DENND2B: variants seen among roughly 807,000 people sequenced by gnomAD.
DENND2B encodes DENN domain-containing protein 2B.
A neutral mutation model predicts 116.0 loss-of-function variants in DENND2B; 32 were observed. That is an observed-to-expected ratio of 0.28 (90% CI 0.21 to 0.37). The LOEUF is 0.37. Among genes scored for constraint, DENND2B ranks in the 10% least tolerant of loss-of-function variants. The probability of loss-of-function intolerance (pLI) is 1.00; values close to 1 mark genes in which losing one functional copy is unlikely to be tolerated. For synonymous variants in DENND2B, 588 were observed against 583.9 expected (o/e 1.01, Z -0.10); for missense variants, 1,276 against 1,477.7 (o/e 0.86, Z 2.24).
chr11:8,870,502 CGTGTGTATGT>C (rs1322760453), intron 2 of DENND2B, among the ~76,000 whole-genome samples: 1 of 140,626 alleles, frequency 7.1e-6, no homozygotes, highest in Non-Finnish European at 1.6e-5. Context: ...GTGTGTTGTG[CGTGTGTATGT>C]GTGTGTGTGT....
intron 1 of DENND2B, among the ~76,000 whole-genome samples, chr11:8,791,851 A>T (rs1472072662): frequency 6.6e-6 from 1 of 152,218 alleles, no homozygotes; most frequent in East Asian, 1.9e-4. Flanking sequence ...AAGTTCACAA[A>T]TTTTTAGTAA....
chr11:8,701,436 C>T (rs2041651482), intron 14 of DENND2B, among the ~76,000 whole-genome samples: 1 of 151,048 alleles, frequency 6.6e-6, no homozygotes, highest in East Asian at 2.0e-4. Context: ...CTCCTCCAGC[C>T]TTCTTATCAA....
intron 2 of DENND2B, among the ~76,000 whole-genome samples, chr11:8,731,533 A>C (rs1456680497): frequency 6.6e-6 from 1 of 152,160 alleles, no homozygotes; most frequent in Non-Finnish European, 1.5e-5. Flanking sequence ...CAGAAAGCCC[A>C]GTGGTGTGCT....
intron 2 of DENND2B, among the ~76,000 whole-genome samples, chr11:8,867,714 T>C (rs1043560125): frequency 2.0e-5 from 3 of 151,640 alleles, no homozygotes; most frequent in South Asian, 2.1e-4. Context: ...TCCTGAATAG[T>C]TGGGACCACA....
At chr11:8,768,866 C>G (rs2056365575) in intron 1 of DENND2B, 1 of 152,242 alleles carries the variant, frequency 6.6e-6, no homozygotes, top group Admixed American at 6.5e-5. Flanking sequence ...TATTTGTAGC[C>G]TACAATTAGG....
chr11:8,880,333 T>C (rs1204538302), intron 2 of DENND2B, among the ~76,000 whole-genome samples: 2 of 135,624 alleles, frequency 1.5e-5, no homozygotes, highest in African/African-American at 5.4e-5. Context: ...CACTGGAAGC[T>C]GTCACTTTGA....
At chr11:8,772,676 G>A (rs2057096032) in intron 1 of DENND2B, among the ~76,000 whole-genome samples, 1 of 152,078 alleles carries the variant, frequency 6.6e-6, no homozygotes, top group African/African-American at 2.4e-5. Flanking sequence ...TGCAAAATGA[G>A]GCTAGAAAGG....
At chr11:8,734,759 G>C (rs968815838) in intron 2 of DENND2B, among the ~76,000 whole-genome samples, 1 of 147,200 alleles carries the variant, frequency 6.8e-6, no homozygotes, top group African/African-American at 2.5e-5. Context: ...ATTGCACTCC[G>C]GCCTGGGCAG....
chr11:8,764,276 C>T (rs1204759539), intron 1 of DENND2B, among the ~76,000 whole-genome samples: 1 of 151,916 alleles, frequency 6.6e-6, no homozygotes, highest in Non-Finnish European at 1.5e-5. Flanking sequence ...TAGAGGGTAA[C>T]ACTGGAACTA....
At chr11:8,742,872 C>T (rs2050460940) in intron 2 of DENND2B, among the ~76,000 whole-genome samples, 1 of 151,926 alleles carries the variant, frequency 6.6e-6, no homozygotes, top group Non-Finnish European at 1.5e-5. Flanking sequence ...TGAGACCAGC[C>T]TGACCAACAT....
intron 6 of DENND2B, 78 bp from the exon 7 acceptor site, chr11:8,714,784 A>G (rs2044409735): frequency 1.6e-6 from 2 of 1,238,160 alleles, no homozygotes; most frequent in South Asian, 2.5e-5. Context: ...GTAGGAGCCC[A>G]TCCCTGCCCT....
intron 3 of DENND2B, among the ~76,000 whole-genome samples, chr11:8,855,049 T>C (rs1185151673): frequency 9.8e-6 from 1 of 102,504 alleles, no homozygotes; most frequent in Non-Finnish European, 2.2e-5. Flanking sequence ...GAGGCTGAGG[T>C]GGAAAAGATC....
At chr11:8,745,418 TAAGAG>T (rs1480198515) in intron 2 of DENND2B, among the ~76,000 whole-genome samples, 1 of 152,158 alleles carries the variant, frequency 6.6e-6, no homozygotes, top group African/African-American at 2.4e-5. Flanking sequence ...ATGCCATGAA[TAAGAG>T]AAGACCTGAG....
intron 1 of DENND2B, chr11:8,784,098 T>C (rs921220760): frequency 7.9e-5 from 12 of 152,102 alleles, no homozygotes; most frequent in Admixed American, 6.5e-5. Flanking sequence ...TAGAACTTCA[T>C]AAAGTCTGTC....
intron 1 of DENND2B, chr11:8,771,560 A>AGAGAGAGAGAGAGAGAGAGAGAGAGAGC (rs1173659150): frequency 4.7e-5 from 7 of 149,720 alleles, no homozygotes; most frequent in South Asian, 2.2e-4. Context: ...AGAGAGAGAG[A>AGAGAGAGAGAGAGAGAGAGAGAGAGAGC]GAGAGAGCCT....
chr11:8,697,645 G>A lies in DENND2B; in HGVS notation c.2941-9C>T, dbSNP rs774454811. ...GTGTCTTCGTCGTCCATCTGCAGGA[G>A]AAAGAAAGCACAGTGACAATCATAG... On this transcript the variant is annotated splice_polypyrimidine_tract_variant and intron_variant, in intron 16 of 19. Coordinates refer to ENST00000313726, the MANE Select transcript of DENND2B (RefSeq NM_213618.2). The A allele has an allele frequency of 6.3e-7, 1 of 1,595,494 alleles. No homozygotes were observed. The highest frequency in any genetic ancestry group is 8.6e-7 in the Non-Finnish European group (1 of 1,163,012).
rs766701706 is a variant in DENND2B, at chr11:8,710,829, G to A, written c.2352+16C>T. Reference sequence around the variant, plus strand: ...TCCCCTGCCTGCTGGCCTGAGGACCGAATGGCCTCACTCACCAGTAAGCGC... The same window carrying A: ...TCCCCTGCCTGCTGGCCTGAGGACCAAATGGCCTCACTCACCAGTAAGCGC... On this transcript the variant is annotated intron_variant, in intron 11 of 19. Coordinates refer to ENST00000313726, the MANE Select transcript of DENND2B (RefSeq NM_213618.2). 10 of 1,612,648 alleles carry A rather than the reference G, an allele frequency of 6.2e-6. No homozygotes were observed. The highest frequency in any genetic ancestry group is 4.0e-5 in the African/African-American group (3 of 74,646).
intron 1 of DENND2B, among the ~76,000 whole-genome samples, chr11:8,754,024 A>AGCGCGCGC (rs553192314): frequency 2.0e-4 from 29 of 142,872 alleles, no homozygotes; most frequent in East Asian, 6.3e-4. Context: ...TAACACCAAA[A>AGCGCGCGC]GCGCGCACAC....
intron 1 of DENND2B, among the ~76,000 whole-genome samples, chr11:8,807,567 A>G (rs2060982081): frequency 6.6e-6 from 1 of 152,230 alleles, no homozygotes; most frequent in Non-Finnish European, 1.5e-5. Context: ...GGTGACTGAT[A>G]TCTAATTTGA....
Sources: gnomAD v4.1 joint callset for allele counts (sites outside exome capture counted in the v4.1 genomes callset) on GRCh38, gnomAD v4.1.1 for gene constraint, MANE v1.5 for transcripts, NCBI Gene and HGNC (gene_info 2026-07-23, HGNC 2026-07-21) for gene names.